Variants in GLA observed in about 807,000 individuals in gnomAD.
GLA encodes alpha-galactosidase A.
A neutral mutation model predicts 28.2 loss-of-function variants in GLA; 4 were observed. That is an observed-to-expected ratio of 0.14 (90% CI 0.07 to 0.32). The LOEUF (loss-of-function observed/expected upper bound fraction) is 0.32. Ranked by LOEUF, GLA falls within the 10% of genes least tolerant of loss-of-function variation. The pLI, the probability that GLA is intolerant of heterozygous loss-of-function variation, is 1.00. For synonymous variants in GLA, 94 were observed against 113.0 expected, an observed-to-expected ratio of 0.83 and a Z score of 1.07; for missense variants, 203 against 323.7, an observed-to-expected ratio of 0.63 and a Z score of 2.86.
At chrX:101,401,240 A>T (rs919979814) in intron 3 of GLA, 3 of 240,579 alleles carry the variant, frequency 1.2e-5, no homozygotes, top group Non-Finnish European at 2.3e-5. Flanking sequence ...TACCTCCCAG[A>T]CTGCTGGGAT....
intron 3 of GLA, chrX:101,401,142 G>A (rs1348608212): frequency 1.0e-5 from 2 of 193,599 alleles, no homozygotes; most frequent in African/African-American, 3.0e-5. Context: ...AGCTGGGGCT[G>A]TATATTTTAA....
chrX:101,400,787 GGAAA>G (rs1928289111), intron 3 of GLA, 30 bp from the exon 4 acceptor site: 1 of 773,781 alleles, frequency 1.3e-6, no homozygotes, highest in Non-Finnish European at 2.0e-6. Flanking sequence ...GTAAAATAAG[GGAAA>G]GAAATGAATT....
chrX:101,404,698 T>C (rs1928441519), intron 1 of GLA, among the ~76,000 whole-genome samples: 1 of 107,111 alleles, frequency 9.3e-6, no homozygotes, highest in African/African-American at 3.4e-5. Flanking sequence ...GCCTCCCGAG[T>C]AGCTGAGATT....
intron 5 of GLA, 30 bp from the exon 6 acceptor site, chrX:101,398,597 A>G: frequency 8.7e-7 from 1 of 1,143,711 alleles, no homozygotes; most frequent in Non-Finnish European, 1.2e-6. Context: ...AATTCAAACA[A>G]GAGAGGAGGA....
At chrX:101,400,068 A>T (rs1928250161) in intron 4 of GLA, among the ~76,000 whole-genome samples, 1 of 110,880 alleles carries the variant, frequency 9.0e-6, no homozygotes, top group Admixed American at 9.6e-5. Flanking sequence ...GACCCCTTGG[A>T]CTTTGGGGAG....
At chrX:101,402,104 G>A (rs782449155) in intron 2 of GLA, among the ~76,000 whole-genome samples, 1 of 112,273 alleles carries the variant, frequency 8.9e-6, no homozygotes, top group African/African-American at 3.2e-5. Flanking sequence ...ACCTTTTGAG[G>A]GAAATGATAG....
chrX:101,399,030 C>T, intron 4 of GLA, 84 bp from the exon 5 acceptor site: 4 of 848,352 alleles, frequency 4.7e-6, no homozygotes, highest in Non-Finnish European at 5.3e-6. Flanking sequence ...GCACTTGTAG[C>T]CTTCTCTTGA....
chrX:101,398,654 C>A, intron 5 of GLA, 87 bp from the exon 6 acceptor site: 1 of 1,007,060 alleles, frequency 9.9e-7, no homozygotes. Context: ...AAACCACTTT[C>A]CACAGCATCC....
At chrX:101,399,715 G>A (rs1292377879) in intron 4 of GLA, 1 of 112,598 alleles carries the variant, frequency 8.9e-6, no homozygotes, top group Non-Finnish European at 1.9e-5. Flanking sequence ...GTCAAAGTCA[G>A]ACAAGGTCCC....
chrX:101,404,566 C>CTTTTTTTT (rs1171364737), intron 1 of GLA, among the ~76,000 whole-genome samples: 29 of 79,179 alleles, frequency 3.7e-4, no homozygotes, highest in African/African-American at 5.3e-4. Context: ...TCCTTTTTAT[C>CTTTTTTTT]TTTTTTTTTT....
At chrX:101,402,130 G>C (rs1555985935) in intron 2 of GLA, among the ~76,000 whole-genome samples, 2 of 112,341 alleles carry the variant, frequency 1.8e-5, no homozygotes, top group African/African-American at 6.5e-5. Flanking sequence ...CCTTGACAAA[G>C]ACTCTTCTTG....
intron 4 of GLA, among the ~76,000 whole-genome samples, chrX:101,400,166 G>A (rs1555985411): frequency 1.8e-5 from 2 of 110,468 alleles, no homozygotes; most frequent in Non-Finnish European, 3.8e-5. Flanking sequence ...AACTGATGAT[G>A]ACATTTATAT....
At chrX:101,406,705 G>A (rs1928532256) in intron 1 of GLA, among the ~76,000 whole-genome samples, 1 of 112,426 alleles carries the variant, frequency 8.9e-6, no homozygotes, top group African/African-American at 3.2e-5. Flanking sequence ...AATGTACTGT[G>A]ACTGCCACCT....
In GLA at chrX:101,398,326, T is replaced by C. The variant is rs781931935; in HGVS notation, c.999+44A>G. 6.1e-6 allele frequency: 6 copies of C among 984,101 alleles called. No homozygotes were observed. In the African/African-American group the frequency reaches 9.5e-5, roughly 16 times the overall value. The allele number at this position is 984,101 out of a possible 1,213,427, so 81.1% of individuals were successfully genotyped here. ...AGATTTAGGCCCAAGACAAAGTTGG[T>C]ATTGGGTATATAAAGCCATCTTAAA... is the stretch of plus-strand genomic sequence containing the variant. On this transcript the variant is annotated intron_variant, in intron 6 of 6. Transcript: ENST00000218516.
At position 101,401,753 on chromosome X, in the gene GLA, G is replaced by A. The variant is rs1421866281; in HGVS notation, c.426C>T (p.Cys142=). The A allele has an allele frequency of 1.2e-5, 14 of 1,208,505 alleles. No homozygotes were observed. Among genetic ancestry groups the A allele is most frequent in the Middle Eastern group, 4.6e-4 (2 of 4,366 alleles). The part of the protein sequence containing the change: ...GIYADVGNKT[C]AGFPGSFGYY... Reference sequence around the variant, plus strand: ...ATCCAAAACTCCCAGGGAAGCCTGCGCAGGTTTTATTTCCAACATCTGCAT... The same window carrying A: ...ATCCAAAACTCCCAGGGAAGCCTGCACAGGTTTTATTTCCAACATCTGCAT... The change falls in exon 3 of 7, where the codon TGC becomes TGT. Residue 142 remains cysteine (C), a synonymous_variant. Coordinates refer to ENST00000218516, the MANE Select transcript of GLA (RefSeq NM_000169.3).
At position 101,399,555 on chromosome X, in the gene GLA, CTG is replaced by C. The variant is rs201073095; in HGVS notation, c.640-611_640-610del. Among the ~76,000 whole-genome samples the C allele has an allele frequency of 0.02, 2,268 of 111,697 alleles. 67 individuals carry two copies. Among genetic ancestry groups the C allele is most frequent in the African/African-American group, 0.07 (2,139 of 30,727 alleles). On this transcript the variant is annotated intron_variant, in intron 4 of 6. Transcript: ENST00000218516. ...CTCTAGCCTGGGTGACAGTGAGACT[CTG>C]TCGCAAAAAAAAAGTTTGTAGATAG... is the stretch of plus-strand genomic sequence containing the variant.
chrX:101,398,991 C>T (rs782186430), intron 4 of GLA, 45 bp from the exon 5 acceptor site: 1 of 1,092,897 alleles, frequency 9.1e-7, no homozygotes, highest in Non-Finnish European at 1.3e-6. Flanking sequence ...CTACTAACAT[C>T]CTTGTGAGAT....
chrX:101,403,697 G>C (rs1555986204), intron 2 of GLA, 114 bp downstream of exon 2: 2 of 726,561 alleles, frequency 2.8e-6, no homozygotes, highest in Non-Finnish European at 4.2e-6. Context: ...CCAAAGTGTT[G>C]GGATTACAGG....
chrX:101,405,254 GA>G (rs1174692747), intron 1 of GLA, among the ~76,000 whole-genome samples: 24 of 92,507 alleles, frequency 2.6e-4, no homozygotes, highest in African/African-American at 8.2e-4. Flanking sequence ...AAAAAAAAAA[GA>G]AAAAAAAGAT....
Sources: allele counts gnomAD v4.1 joint callset (sites outside exome capture counted in the v4.1 genomes callset), GRCh38; gene constraint gnomAD v4.1.1; transcripts MANE v1.5; gene names NCBI Gene and HGNC (gene_info 2026-07-23, HGNC 2026-07-21).